TNR: variants seen among roughly 807,000 people sequenced by gnomAD.
The protein encoded by TNR is tenascin R.
A neutral mutation model predicts 150.4 loss-of-function variants in TNR; 45 were observed. The observed-to-expected ratio is 0.30, with a 90% CI of 0.24 to 0.38. TNR has a LOEUF of 0.38. Ranked by LOEUF, TNR falls within the 10% of genes least tolerant of loss-of-function variation. The probability of loss-of-function intolerance (pLI) is 1.00; values close to 1 mark genes in which losing one functional copy is unlikely to be tolerated. For missense variants in TNR, 1,544 were observed against 1,759.1 expected, an observed-to-expected ratio of 0.88 and a Z score of 2.19; for synonymous variants, 687 against 678.4, an observed-to-expected ratio of 1.01 and a Z score of -0.20.
intron 1 of TNR, among the ~76,000 whole-genome samples, chr1:175,600,887 G>C (rs971199812): frequency 6.6e-6 from 1 of 152,166 alleles, no homozygotes; most frequent in South Asian, 2.1e-4. Context: ...TAAGACTTAC[G>C]CTACAGAGGA....
intron 1 of TNR, among the ~76,000 whole-genome samples, chr1:175,616,020 G>A (rs1407602946): frequency 6.6e-6 from 1 of 152,200 alleles, no homozygotes; most frequent in South Asian, 2.1e-4. Flanking sequence ...CTACATTAAG[G>A]TAATTTTTAA....
intron 1 of TNR, among the ~76,000 whole-genome samples, chr1:175,650,772 CG>C (rs368352852): frequency 1.4e-3 from 35 of 25,284 alleles, no homozygotes; most frequent in East Asian, 2.9e-3. Flanking sequence ...TCCTCCTCCC[CG>C]ACCTCATTAC....
At chr1:175,520,347 G>T (rs1252218008) in intron 2 of TNR, among the ~76,000 whole-genome samples, 1 of 152,144 alleles carries the variant, frequency 6.6e-6, no homozygotes. Flanking sequence ...GAGAAGCGTG[G>T]CACTCCCTTG....
intron 1 of TNR, among the ~76,000 whole-genome samples, chr1:175,695,807 T>G (rs923192881): frequency 1.3e-5 from 2 of 152,220 alleles, no homozygotes; most frequent in South Asian, 4.1e-4. Context: ...ATTTGTTCAT[T>G]AGGGTGATTA....
intron 2 of TNR, among the ~76,000 whole-genome samples, chr1:175,502,576 A>G (rs1176682233): frequency 6.6e-6 from 1 of 152,078 alleles, no homozygotes; most frequent in Non-Finnish European, 1.5e-5. Flanking sequence ...CCACTGCTCA[A>G]TCTTGCCTTC....
intron 8 of TNR, among the ~76,000 whole-genome samples, chr1:175,380,164 A>G (rs1352407542): frequency 6.6e-6 from 1 of 152,204 alleles, no homozygotes; most frequent in Admixed American, 6.5e-5. Flanking sequence ...AAGGTTTTGA[A>G]GTGTAAGGTG....
chr1:175,419,930 C>T (rs1362249291), intron 2 of TNR, among the ~76,000 whole-genome samples: 1 of 152,172 alleles, frequency 6.6e-6, no homozygotes, highest in African/African-American at 2.4e-5. Flanking sequence ...TTCACTCTTT[C>T]CCAGCAGGCT....
At chr1:175,426,233 G>T (rs1221756932) in intron 2 of TNR, among the ~76,000 whole-genome samples, 1 of 152,176 alleles carries the variant, frequency 6.6e-6, no homozygotes, top group Non-Finnish European at 1.5e-5. Context: ...TGTGCTGAAG[G>T]AAGAAGCACA....
chr1:175,696,219 T>G (rs1489843945), intron 1 of TNR, among the ~76,000 whole-genome samples: 1 of 42,116 alleles, frequency 2.4e-5, no homozygotes, highest in Non-Finnish European at 4.7e-5. Context: ...TTCCTGTAGT[T>G]TTTTTTTTTT....
At chr1:175,652,315 C>T (rs373825273) in intron 1 of TNR, among the ~76,000 whole-genome samples, 2 of 151,742 alleles carry the variant, frequency 1.3e-5, no homozygotes, top group South Asian at 4.1e-4. Flanking sequence ...TTAATAGTTT[C>T]AACTACATCA....
chr1:175,443,667 G>A (rs1276017099), intron 2 of TNR, among the ~76,000 whole-genome samples: 3 of 152,144 alleles, frequency 2.0e-5, no homozygotes, highest in Non-Finnish European at 4.4e-5. Context: ...GAACCAAAGA[G>A]ACTTGTTTTG....
At chr1:175,512,719 T>C (rs1659242341) in intron 2 of TNR, among the ~76,000 whole-genome samples, 1 of 152,164 alleles carries the variant, frequency 6.6e-6, no homozygotes, top group African/African-American at 2.4e-5. Context: ...ACAGTGTAGG[T>C]CATCAAGAGA....
chr1:175,637,341 A>G (rs1664516259), intron 1 of TNR, among the ~76,000 whole-genome samples: 1 of 152,216 alleles, frequency 6.6e-6, no homozygotes, highest in Non-Finnish European at 1.5e-5. Context: ...ATGAAAGTAG[A>G]GATAACATGG....
chr1:175,722,595 G>C (rs1374579210), intron 1 of TNR, among the ~76,000 whole-genome samples: 1 of 151,664 alleles, frequency 6.6e-6, no homozygotes. Flanking sequence ...CTCCCAGGTA[G>C]CTGAGATTAC....
intron 2 of TNR, among the ~76,000 whole-genome samples, chr1:175,523,488 G>A (rs563085940): frequency 6.6e-6 from 1 of 152,284 alleles, no homozygotes; most frequent in South Asian, 2.1e-4. Flanking sequence ...GATAAGGAAC[G>A]TTAGAGAAAT....
At chr1:175,662,768 G>A (rs1175473482) in intron 1 of TNR, among the ~76,000 whole-genome samples, 1 of 152,198 alleles carries the variant, frequency 6.6e-6, no homozygotes, top group Non-Finnish European at 1.5e-5. Flanking sequence ...GGAAGAAGAG[G>A]CCGAGAAGGC....
intron 1 of TNR, among the ~76,000 whole-genome samples, chr1:175,653,249 G>A (rs942358741): frequency 1.1e-4 from 17 of 152,176 alleles, no homozygotes; most frequent in African/African-American, 4.1e-4. Context: ...AGTCAATCTA[G>A]GTGTTCTGTC....
intron 20 of TNR, among the ~76,000 whole-genome samples, chr1:175,332,008 T>G (rs1053526385): frequency 6.6e-6 from 1 of 152,208 alleles, no homozygotes; most frequent in African/African-American, 2.4e-5. Context: ...ACCCTAGACT[T>G]GTGCTTGTGC....
intron 20 of TNR, among the ~76,000 whole-genome samples, chr1:175,331,162 T>TTCCTTCCTTCC (rs1649883236): frequency 6.1e-4 from 43 of 70,810 alleles, no homozygotes; most frequent in African/African-American, 6.4e-4. Context: ...TTTCTTTTTC[T>TTCCTTCCTTCC]TTCCTTCCTT....
Sources: allele counts gnomAD v4.1 joint callset (sites outside exome capture counted in the v4.1 genomes callset), GRCh38; gene constraint gnomAD v4.1.1; transcripts MANE v1.5; gene names NCBI Gene and HGNC (gene_info 2026-07-23, HGNC 2026-07-21).